The following TMEM170B variants were observed in gnomAD, a reference collection of about 807,000 sequenced individuals.
The protein encoded by TMEM170B is transmembrane protein 170B.
A neutral mutation model predicts 13.0 loss-of-function variants in TMEM170B; 6 were observed. The ratio of observed to expected loss-of-function variants is 0.46; its 90% CI spans 0.25 to 0.91. TMEM170B has a LOEUF of 0.91. Among genes scored for constraint, TMEM170B ranks in the 40% least tolerant of loss-of-function variants. TMEM170B has a pLI of 0.17. For missense variants in TMEM170B, 138 were observed against 165.2 expected (o/e 0.84, Z 0.90); for synonymous variants, 61 against 64.9 (o/e 0.94, Z 0.29).
intron 1 of TMEM170B, among the ~76,000 whole-genome samples, chr6:11,551,306 A>C (rs150203863): frequency 1.3e-5 from 2 of 152,332 alleles, no homozygotes; most frequent in African/African-American, 4.8e-5. Flanking sequence ...ATATACCATC[A>C]TGTCTGCTGT....
At position 11,581,023 on chromosome 6, in the gene TMEM170B, T is replaced by G. The variant is rs1340828891; in HGVS notation, c.*5462T>G. ...GCTGAATTATCTAAAAATGTATCCATGAATTTGGGGGAAATAATGCTTAAT... is the reference window on the plus strand; with the variant it reads ...GCTGAATTATCTAAAAATGTATCCAGGAATTTGGGGGAAATAATGCTTAAT... On this transcript the variant is annotated 3_prime_UTR_variant, in exon 3 of 3. Transcript: ENST00000379426. The G allele has an allele frequency of 1.3e-5, 2 of 152,170 alleles. No individual in the cohort carries two copies. Among genetic ancestry groups the G allele is most frequent in the Non-Finnish European group, 2.9e-5 (2 of 68,032 alleles). 9.4% of individuals were successfully genotyped at this position (152,170 alleles called of 1,614,324 possible). A position where few individuals can be genotyped will look rare whatever the true frequency, so the allele number is the denominator to read the frequency against.
chr6:11,561,650 C>A (rs1340119883), intron 1 of TMEM170B, among the ~76,000 whole-genome samples: 1 of 152,070 alleles, frequency 6.6e-6, no homozygotes, highest in East Asian at 1.9e-4. Flanking sequence ...TAACACAAAA[C>A]CTAACATAAC....
In TMEM170B at chr6:11,546,672, A is replaced by G. The variant is rs758990039; in HGVS notation, c.97+8298A>G. On this transcript the variant is annotated intron_variant, in intron 1 of 2. Coordinates refer to ENST00000379426, the MANE Select transcript of TMEM170B (RefSeq NM_001100829.3). ...CACAAATACTTCCCATTGTGTTACA[A>G]TTGCCTGCAGTATTGAGTAAAGTAA... is the stretch of plus-strand genomic sequence containing the variant. Among the ~76,000 whole-genome samples the G allele has an allele frequency of 9.8e-4, 149 of 152,332 alleles. 1 individual carries two copies. Among genetic ancestry groups the G allele is most frequent in the Non-Finnish European group, 1.6e-3 (109 of 68,024 alleles).
chr6:11,548,226 C>T, intron 1 of TMEM170B, among the ~76,000 whole-genome samples: 1 of 152,206 alleles, frequency 6.6e-6, no homozygotes, highest in South Asian at 2.1e-4. Context: ...AGACCTTAAA[C>T]AAATTTACAA....
chr6:11,562,901 T>A (rs1759688221), intron 1 of TMEM170B, among the ~76,000 whole-genome samples: 2 of 152,234 alleles, frequency 1.3e-5, no homozygotes, highest in African/African-American at 4.8e-5. Context: ...AACCATACCC[T>A]CCTTCCTTTT....
At chr6:11,538,589 G>A (rs1473716433) in intron 1 of TMEM170B, among the ~76,000 whole-genome samples, 1 of 152,146 alleles carries the variant, frequency 6.6e-6, no homozygotes. Flanking sequence ...CGCCAGGGGA[G>A]CATCAGCGAC....
At chr6:11,548,533 A>G (rs1759470586) in intron 1 of TMEM170B, among the ~76,000 whole-genome samples, 2 of 152,230 alleles carry the variant, frequency 1.3e-5, no homozygotes, top group African/African-American at 4.8e-5. Flanking sequence ...TCAGGGATCT[A>G]GAACTAGAAA....
At chr6:11,574,531 CT>C (rs1304690561) in intron 2 of TMEM170B, among the ~76,000 whole-genome samples, 1 of 152,074 alleles carries the variant, frequency 6.6e-6, no homozygotes, top group Non-Finnish European at 1.5e-5. Context: ...GTCTTATGTT[CT>C]TTTATCTAAC....
At position 11,578,582 on chromosome 6, in the gene TMEM170B, A is replaced by G. The variant is rs578044749; in HGVS notation, c.*3021A>G. The G allele has an allele frequency of 6.6e-6, 1 of 152,156 alleles. No individual in the cohort carries two copies. Among genetic ancestry groups the G allele is most frequent in the Non-Finnish European group, 1.5e-5 (1 of 68,010 alleles). 9.4% of individuals were successfully genotyped at this position (152,156 alleles called of 1,614,324 possible). ...CCGAACCATGGGACAGTTCCAAGGT[A>G]ATAGCCTACCTTGCCTAGGATAAGT... On this transcript the variant is annotated 3_prime_UTR_variant, in exon 3 of 3. Transcript: ENST00000379426.
rs1759857403 is a variant in TMEM170B, at chr6:11,575,161, A to G, written c.269-270A>G. Among the ~76,000 whole-genome samples, 1 of 152,150 alleles carries G rather than the reference A, an allele frequency of 6.6e-6. No homozygotes were observed. The highest frequency in any genetic ancestry group is 6.6e-5 in the Admixed American group (1 of 15,254). On this transcript the variant is annotated intron_variant, in intron 2 of 2. Transcript: ENST00000379426. This position sits in a 1 kb window ranked among gnomAD's most constrained non-coding sequence, Gnocchi z 4.1. ...AATGAATTATTCATTGTTTATGAAC[A>G]TATTTGCTATCAAGTATGCAGCATA... is the stretch of plus-strand genomic sequence containing the variant.
intron 2 of TMEM170B, among the ~76,000 whole-genome samples, chr6:11,572,480 G>T (rs1405121650): frequency 1.3e-5 from 2 of 152,022 alleles, no homozygotes; most frequent in Admixed American, 1.3e-4. Context: ...AAATAGGATT[G>T]AAAGATATCC....
At chr6:11,549,550 C>T (rs1340935309) in intron 1 of TMEM170B, among the ~76,000 whole-genome samples, 1 of 151,886 alleles carries the variant, frequency 6.6e-6, no homozygotes, top group Non-Finnish European at 1.5e-5. Context: ...ATAGTCCCAG[C>T]TACTCGGGAG....
chr6:11,539,435 G>T (rs916619557), intron 1 of TMEM170B, among the ~76,000 whole-genome samples: 1 of 151,940 alleles, frequency 6.6e-6, no homozygotes, highest in African/African-American at 2.4e-5. Context: ...ATATAACCTG[G>T]GTTCATATAT....
At chr6:11,573,347 A>G (rs1021640634) in intron 2 of TMEM170B, among the ~76,000 whole-genome samples, 6 of 152,288 alleles carry the variant, frequency 3.9e-5, no homozygotes, top group African/African-American at 1.4e-4. Context: ...TCATTCCAAC[A>G]CCATTTATTG....
In TMEM170B at chr6:11,580,974, C is replaced by T. The variant is rs1049260619; in HGVS notation, c.*5413C>T. ...CTTAAGGAGCTCTGGTCTGTGTAGG[C>T]AGTACAGTGTTGTTAGGGAGGTTGC... is the stretch of plus-strand genomic sequence containing the variant. On this transcript the variant is annotated 3_prime_UTR_variant, in exon 3 of 3. Transcript: ENST00000379426. 6.6e-6 allele frequency: 1 copy of T among 152,126 alleles called. No individual in the cohort carries two copies. Among genetic ancestry groups the T allele is most frequent in the Admixed American group, 6.5e-5 (1 of 15,276 alleles). 9.4% of individuals were successfully genotyped at this position (152,126 alleles called of 1,614,324 possible).
chr6:11,564,204 A>G lies in TMEM170B; in HGVS notation c.98-1462A>G, dbSNP rs371617173. On this transcript the variant is annotated intron_variant, in intron 1 of 2. Transcript: ENST00000379426. ...TAATACTGATAAACATGGGTGTGCC[A>G]ATATCTCTTTGAGATTCTGCTTTTA... Among the ~76,000 whole-genome samples the G allele has an allele frequency of 5.3e-5, 8 of 152,214 alleles. No homozygotes were observed. In the East Asian group the frequency reaches 7.7e-4, roughly 15 times the overall value.
chr6:11,560,517 A>G (rs1043439308), intron 1 of TMEM170B, among the ~76,000 whole-genome samples: 3 of 150,014 alleles, frequency 2.0e-5, no homozygotes, highest in Non-Finnish European at 4.4e-5. Context: ...AGACTGAGGC[A>G]GGAGAATCGT....
chr6:11,538,502 C>T (rs747541294), intron 1 of TMEM170B, 128 bp downstream of exon 1: 3 of 697,604 alleles, frequency 4.3e-6, no homozygotes, highest in African/African-American at 1.9e-5. Flanking sequence ...CTCCAGGTCC[C>T]GGCGAGGAAG....
intron 1 of TMEM170B, among the ~76,000 whole-genome samples, chr6:11,549,611 C>A (rs1001581476): frequency 1.3e-5 from 2 of 150,768 alleles, no homozygotes; most frequent in Non-Finnish European, 2.9e-5. Flanking sequence ...TGCAGCGAGC[C>A]GAGATGGCGC....
Sources: gnomAD v4.1 joint callset for allele counts (sites outside exome capture counted in the v4.1 genomes callset) on GRCh38, gnomAD v4.1.1 for gene constraint, Gnocchi (gnomAD v3.1) non-coding constraint, MANE v1.5 for transcripts, NCBI Gene and HGNC (gene_info 2026-07-23, HGNC 2026-07-21) for gene names.